Variants in OSBPL3 observed in about 807,000 individuals in gnomAD.
OSBPL3 encodes the protein oxysterol binding protein like 3, also known as oxysterol-binding protein-related protein 3.
OSBPL3 carries 65 observed loss-of-function variants against 120.1 expected under a neutral mutation model. The observed-to-expected ratio is 0.54, with a 90% CI of 0.44 to 0.67. The LOEUF is 0.67. Ranked by LOEUF, OSBPL3 falls within the 30% of genes least tolerant of loss-of-function variation. OSBPL3 has a pLI of 0.00. For missense variants in OSBPL3, 1,004 were observed against 1,082.1 expected (o/e 0.93, Z 1.01); for synonymous variants, 416 against 402.6 (o/e 1.03, Z -0.40).
intron 19 of OSBPL3, among the ~76,000 whole-genome samples, chr7:24,814,718 C>T (rs761233452): frequency 1.3e-5 from 2 of 152,170 alleles, no homozygotes; most frequent in Non-Finnish European, 2.9e-5. Context: ...CTGGCGATCT[C>T]GCAGAAGTGG....
At position 24,952,926 on chromosome 7, in the gene OSBPL3, A is replaced by G. The variant is rs146101822; in HGVS notation, c.-150+26960T>C. Among the ~76,000 whole-genome samples the G allele has an allele frequency of 4.5e-3, 692 of 152,304 alleles. 11 individuals are homozygous for G. Among genetic ancestry groups the G allele is most frequent in the African/African-American group, 0.015 (616 of 41,560 alleles). The stretch of plus-strand genomic sequence containing the variant: ...AGAGGTGGTAGGATCCCTGGAGCCC[A>G]GGAGTTCAAGACCAGCCTGGGCAAC... On this transcript the variant is annotated intron_variant, in intron 1 of 22. Transcript: ENST00000313367. This position sits in a 1 kb window ranked among gnomAD's most constrained non-coding sequence, Gnocchi z 4.4.
At position 24,968,986 on chromosome 7, in the gene OSBPL3, A is replaced by T. The variant is rs1247548433; in HGVS notation, c.-150+10900T>A. ...AATTTTGCATATATATCATTTTGTG[A>T]ATTTTGCATATCTGTAGGATAAAGT... On this transcript the variant is annotated intron_variant, in intron 1 of 22. Transcript: ENST00000313367. The surrounding 1 kb of genome is among the most constrained non-coding windows in gnomAD (Gnocchi z 4.6). Among the ~76,000 whole-genome samples, 1 of 152,174 alleles carries T rather than the reference A, an allele frequency of 6.6e-6. No homozygotes were observed. Among genetic ancestry groups the T allele is most frequent in the African/African-American group, 2.4e-5 (1 of 41,422 alleles).
At chr7:24,865,599 A>T (rs1255985433) in intron 6 of OSBPL3, 134 bp from the exon 7 acceptor site, 1 of 853,978 alleles carries the variant, frequency 1.2e-6, no homozygotes, top group Non-Finnish European at 1.8e-6. Context: ...AGCTTCTAGC[A>T]AAGTACTAAG....
rs1303134537 is a variant in OSBPL3, at chr7:24,815,072, A to C, written c.2159T>G (p.Val720Gly). The C allele has an allele frequency of 6.2e-7, 1 of 1,613,930 alleles. No individual in the cohort carries two copies. Among genetic ancestry groups the C allele is most frequent in the Admixed American group, 1.7e-5 (1 of 60,010 alleles). Residue 720 changes from valine to glycine, a missense_variant, in exon 19 of 23, where the codon GTG (valine) becomes GGG (glycine). Physicochemically the swap from Val to Gly is moderately radical, Grantham distance 109 (BLOSUM62 -3). Coordinates refer to ENST00000313367, the MANE Select transcript of OSBPL3 (RefSeq NM_015550.4). The surrounding 1 kb of genome is among the most constrained non-coding windows in gnomAD (Gnocchi z 5.1). ...NLHDDSCYCK[V>G]NFIKAKYWST... ...CACTGGAGTTACCTTTATAAAATTC[A>C]CTTTGCAGTAGCAGGAATCATCATG...
intron 12 of OSBPL3, among the ~76,000 whole-genome samples, chr7:24,845,802 A>C (rs913610321): frequency 7.9e-5 from 12 of 152,108 alleles, no homozygotes; most frequent in African/African-American, 2.9e-4. Flanking sequence ...ATTTAACTTG[A>C]ATTTGCTTTT....
rs6956360 is a variant in OSBPL3 at position 24,852,895 on chromosome 7, G to A, written c.1028-261C>T. ...GAGATGCAGTACTCTGGTGTGGGAT[G>A]CTGATGGCGGGGGGACGGTGCCTAC... On this transcript the variant is annotated intron_variant, in intron 10 of 22. Coordinates refer to ENST00000313367, the MANE Select transcript of OSBPL3 (RefSeq NM_015550.4). This position sits in a 1 kb window ranked among gnomAD's most constrained non-coding sequence, Gnocchi z 4.1. Among the ~76,000 whole-genome samples the A allele has an allele frequency of 0.36, 55,278 of 151,946 alleles. 10,317 individuals carry two copies. Among genetic ancestry groups the A allele is most frequent in the East Asian group, 0.49 (2,535 of 5,166 alleles).
Position 24,873,459 on chromosome 7 carries a change from T to C in OSBPL3, c.97-1390A>G, listed in dbSNP as rs556543495. 6.6e-5 allele frequency among the ~76,000 whole-genome samples: 10 copies of C among 152,332 alleles called. No homozygotes were observed. In the South Asian group the frequency reaches 1.0e-3, roughly 16 times the overall value. On this transcript the variant is annotated intron_variant, in intron 2 of 22. Coordinates refer to ENST00000313367, the MANE Select transcript of OSBPL3 (RefSeq NM_015550.4). This position sits in a 1 kb window ranked among gnomAD's most constrained non-coding sequence, Gnocchi z 4.1. ...CCTTCTATCTGATGGCACTTTACCATGAATCCAATTAAAGGTACATTCCAG... is the reference window on the plus strand; with the variant it reads ...CCTTCTATCTGATGGCACTTTACCACGAATCCAATTAAAGGTACATTCCAG...
chr7:24,874,745 C>T (rs1288643020), intron 2 of OSBPL3, among the ~76,000 whole-genome samples: 1 of 152,070 alleles, frequency 6.6e-6, no homozygotes, highest in Non-Finnish European at 1.5e-5. Flanking sequence ...GAAACTGTTA[C>T]CAGGTTGGAA....
chr7:24,832,718 G>A (rs554846115), intron 15 of OSBPL3, among the ~76,000 whole-genome samples: 31 of 152,142 alleles, frequency 2.0e-4, no homozygotes, highest in African/African-American at 7.5e-4. Flanking sequence ...GAACACAACC[G>A]ATGAAAGAAC....
chr7:24,981,786 A>G (rs1818393302), upstream of OSBPL3, among the ~76,000 whole-genome samples: 1 of 152,108 alleles, frequency 6.6e-6, no homozygotes, highest in African/African-American at 2.4e-5. The surrounding 1 kb of genome is among the most constrained non-coding windows in gnomAD (Gnocchi z 7.3). Context: ...CGGTTCCTAA[A>G]CCACCTCGCA....
Position 24,835,380 on chromosome 7 carries a change from C to G in OSBPL3, c.1496-644G>C, listed in dbSNP as rs1796875567. Among the ~76,000 whole-genome samples, 1 of 152,000 alleles carries G rather than the reference C, an allele frequency of 6.6e-6. No homozygotes were observed. Among genetic ancestry groups the G allele is most frequent in the African/African-American group, 2.4e-5 (1 of 41,346 alleles). Reference sequence around the variant, plus strand: ...ACCACAATGAGATATCATCTCATACCAATCAGAATAGCAATTACTAAAAAG... The same window carrying G: ...ACCACAATGAGATATCATCTCATACGAATCAGAATAGCAATTACTAAAAAG... On this transcript the variant is annotated intron_variant, in intron 14 of 22. Coordinates refer to ENST00000313367, the MANE Select transcript of OSBPL3 (RefSeq NM_015550.4). The surrounding 1 kb of genome is among the most constrained non-coding windows in gnomAD (Gnocchi z 4.8).
intron 1 of OSBPL3, among the ~76,000 whole-genome samples, chr7:24,963,982 G>C (rs900355892): frequency 6.6e-6 from 1 of 152,076 alleles, no homozygotes; most frequent in Non-Finnish European, 1.5e-5. Context: ...TTACATCAAA[G>C]GGATACAGGA....
At chr7:24,839,506 T>C (rs990962178) in intron 14 of OSBPL3, among the ~76,000 whole-genome samples, 1 of 152,204 alleles carries the variant, frequency 6.6e-6, no homozygotes, top group African/African-American at 2.4e-5. Flanking sequence ...CCCTGATGGG[T>C]CCGTCCAAGA....
In OSBPL3 at chr7:24,800,083, C is replaced by T. The variant is rs1327271646; in HGVS notation, c.*100G>A. ...CAATGCTAAGCTAAGCACAAGTGAT[C>T]ATCCTAGAGTATCTTTTAAATATAT... On this transcript the variant is annotated 3_prime_UTR_variant, in exon 23 of 23. Coordinates refer to ENST00000313367, the MANE Select transcript of OSBPL3 (RefSeq NM_015550.4). 5 of 638,376 alleles carry T rather than the reference C, an allele frequency of 7.8e-6. No individual in the cohort carries two copies. Among genetic ancestry groups the T allele is most frequent in the Admixed American group, 2.5e-5 (1 of 39,564 alleles). 39.5% of individuals were successfully genotyped at this position (638,376 alleles called of 1,614,324 possible). A position where few individuals can be genotyped will look rare whatever the true frequency, so the allele number is the denominator to read the frequency against.
At chr7:24,909,544 T>C (rs531947499) in intron 1 of OSBPL3, among the ~76,000 whole-genome samples, 2 of 152,302 alleles carry the variant, frequency 1.3e-5, no homozygotes, top group South Asian at 4.1e-4. Context: ...TTAATCGTGT[T>C]AAAGTTACCT....
chr7:24,854,498 A>ACG lies in OSBPL3; in HGVS notation c.1028-1865_1028-1864insCG, dbSNP rs1285107177. 3.4e-4 allele frequency among the ~76,000 whole-genome samples: 26 copies of ACG among 75,652 alleles called. 1 individual carries two copies. The highest frequency in any genetic ancestry group is 1.3e-3 in the African/African-American group (24 of 17,924). The allele number at this position is 75,652 out of a possible 152,430, so 49.6% of individuals were successfully genotyped here. A position where few individuals can be genotyped will look rare whatever the true frequency, so the allele number is the denominator to read the frequency against. On this transcript the variant is annotated intron_variant, in intron 10 of 22. Coordinates refer to ENST00000313367, the MANE Select transcript of OSBPL3 (RefSeq NM_015550.4). This position sits in a 1 kb window ranked among gnomAD's most constrained non-coding sequence, Gnocchi z 4.1. Reference sequence around the variant, plus strand: ...AAGTCACAACAATTTGTACACACACACACGCACACACACACACACACACAC... The same window carrying ACG: ...AAGTCACAACAATTTGTACACACACACGCACGCACACACACACACACACACAC...
intron 1 of OSBPL3, among the ~76,000 whole-genome samples, chr7:24,893,686 C>T (rs1000637715): frequency 6.7e-6 from 1 of 149,462 alleles, no homozygotes; most frequent in Non-Finnish European, 1.5e-5. Context: ...GTAGTGGGTG[C>T]CTGTAATCCC....
chr7:24,838,108 C>T (rs1477946164), intron 14 of OSBPL3, among the ~76,000 whole-genome samples: 1 of 152,176 alleles, frequency 6.6e-6, no homozygotes, highest in Non-Finnish European at 1.5e-5. Flanking sequence ...CCCCCAACCC[C>T]TGGGAATGTC....
intron 5 of OSBPL3, 55 bp from the exon 6 acceptor site, chr7:24,866,292 C>A: frequency 2.3e-6 from 3 of 1,280,576 alleles, no homozygotes; most frequent in East Asian, 2.3e-5. Context: ...CTGGAAGGAA[C>A]AATTACTCAT....
Sources: allele counts gnomAD v4.1 joint callset (sites outside exome capture counted in the v4.1 genomes callset), GRCh38; gene constraint gnomAD v4.1.1; non-coding constraint Gnocchi (gnomAD v3.1); transcripts MANE v1.5; gene names NCBI Gene and HGNC (gene_info 2026-07-23, HGNC 2026-07-21).